Variants in TRAF7 observed in about 807,000 individuals in gnomAD.
The protein encoded by TRAF7 is E3 ubiquitin-protein ligase TRAF7.
Under a neutral mutation model 89.3 loss-of-function variants are expected in TRAF7, and 45 were observed. The observed-to-expected ratio is 0.50, with a 90% CI of 0.40 to 0.65. The LOEUF is 0.65. TRAF7 is among the 30% of genes least tolerant of loss of function. The probability of loss-of-function intolerance (pLI) is 0.00; values close to 1 mark genes in which losing one functional copy is unlikely to be tolerated. For missense variants in TRAF7, 677 were observed against 918.1 expected (o/e 0.74, Z 3.39); for synonymous variants, 406 against 369.2 (o/e 1.10, Z -1.14).
intron 12 of TRAF7, 23 bp downstream of exon 12, chr16:2,173,859 T>TCCCCCC: frequency 8.0e-7 from 1 of 1,246,254 alleles, no homozygotes; most frequent in Non-Finnish European, 1.1e-6. Flanking sequence ...CCGCCGTGGC[T>TCCCCCC]CCCGCCCACC....
chr16:2,174,110 GCACTGC>G (rs1274303271), intron 13 of TRAF7, 62 bp downstream of exon 13: 55 of 1,605,964 alleles, frequency 3.4e-5, no homozygotes, highest in Admixed American at 2.8e-4. Flanking sequence ...CACATGCCTG[GCACTGC>G]CAGCCTGCCT....
In TRAF7 at chr16:2,163,650, C is replaced by A. The variant is rs2141270304; in HGVS notation, c.-38-233C>A. ...TCTTCGGGAGCTCAGAAAGGCTAAG[C>A]CTTGAGGGACGGTGACGCAGAGCCG... is the stretch of plus-strand genomic sequence containing the variant. On this transcript the variant is annotated intron_variant, in intron 1 of 20. Coordinates refer to ENST00000326181, the MANE Select transcript of TRAF7 (RefSeq NM_032271.3). This position sits in a 1 kb window ranked among gnomAD's most constrained non-coding sequence, Gnocchi z 4.3. 1.9e-6 allele frequency: 1 copy of A among 516,640 alleles called. No homozygotes were observed. The allele number at this position is 516,640 out of a possible 1,614,324, so 32.0% of individuals were successfully genotyped here.
intron 2 of TRAF7, 138 bp downstream of exon 2, chr16:2,164,139 G>GTGTGTGTGTGTGTGTGT (rs1555465685): frequency 1.7e-5 from 9 of 544,380 alleles, no homozygotes; most frequent in Non-Finnish European, 3.1e-6. Flanking sequence ...GGGGGGGTGT[G>GTGTGTGTGTGTGTGTGT]GTGTGTGTGT....
Position 2,173,368 on chromosome 16 carries a change from C to A in TRAF7, c.981C>A (p.Asp327Glu), listed in dbSNP as rs1456334083. 6.2e-7 allele frequency: 1 copy of A among 1,613,558 alleles called. No individual in the cohort carries two copies. The highest frequency in any genetic ancestry group is 2.2e-5 in the East Asian group (1 of 44,874). The change falls in exon 10 of 21, where the codon GAC (aspartate) becomes GAA (glutamate). Residue 327 changes from aspartate to glutamate, a missense_variant. Physicochemically the swap from Asp to Glu is conservative, Grantham distance 45. Around this residue, in one of 6 missense-constraint regions of TRAF7, gnomAD observed 238 missense variants for 352.6 expected, o/e 0.67. Coordinates refer to ENST00000326181, the MANE Select transcript of TRAF7 (RefSeq NM_032271.3). ...SMLGKLSEKI[D>E]QLEKSLELKF... ...TGGGAAAGCTCTCGGAGAAGATCGACCAGCTAGAGAAGAGCCTGGAGCTCA... is the reference window on the plus strand; with the variant it reads ...TGGGAAAGCTCTCGGAGAAGATCGAACAGCTAGAGAAGAGCCTGGAGCTCA...
chr16:2,171,344 C>T lies in TRAF7; in HGVS notation c.429C>T (p.Ile143=), dbSNP rs1276410059. The T allele has an allele frequency of 3.2e-6, 5 of 1,553,486 alleles. No homozygotes were observed. The East Asian group carries it at 1.2e-4, about 38-fold the overall frequency. ...GCAGCGTCTTCAAAGACCCCGTGATCACCACGTGTGGGGTGAGCCCGCCGC... is the reference window on the plus strand; with the variant it reads ...GCAGCGTCTTCAAAGACCCCGTGATTACCACGTGTGGGGTGAGCCCGCCGC... ...LCCSVFKDPV[I]TTCGHTFCRR... is the part of the protein sequence containing the mutation. Residue 143 remains isoleucine (I), a synonymous_variant, in exon 6 of 21, where the codon ATC becomes ATT. Transcript: ENST00000326181.
chr16:2,164,373 T>G (rs35812), intron 2 of TRAF7, among the ~76,000 whole-genome samples: 96 of 116,472 alleles, frequency 8.2e-4, no homozygotes, highest in Non-Finnish European at 7.1e-4. Context: ...TTAAGCGTGT[T>G]AGTGCTGCGT....
chr16:2,159,663 C>T lies in TRAF7; in HGVS notation c.-39+3805C>T, dbSNP rs956314820. Among the ~76,000 whole-genome samples the T allele has an allele frequency of 2.0e-5, 3 of 152,212 alleles. No homozygotes were observed. Among genetic ancestry groups the T allele is most frequent in the Admixed American group, 6.5e-5 (1 of 15,288 alleles). ...CGCAGTCCAGCCAGCCGGCCACACACAGCCCTGTGGCAGGCGGGGCGGAGG... is the reference window on the plus strand; with the variant it reads ...CGCAGTCCAGCCAGCCGGCCACACATAGCCCTGTGGCAGGCGGGGCGGAGG... On this transcript the variant is annotated intron_variant, in intron 1 of 20. Transcript: ENST00000326181. The surrounding 1 kb of genome is among the most constrained non-coding windows in gnomAD (Gnocchi z 6.5).
chr16:2,164,175 C>CGT (rs2093070725), intron 2 of TRAF7, among the ~76,000 whole-genome samples, 174 bp downstream of exon 2: 1 of 119,592 alleles, frequency 8.4e-6, no homozygotes. Flanking sequence ...CGCGCGCGCG[C>CGT]GCGCGCACGC....
intron 20 of TRAF7, 75 bp downstream of exon 20, chr16:2,176,459 C>T (rs1437526924): frequency 6.2e-7 from 1 of 1,612,692 alleles, no homozygotes; most frequent in Non-Finnish European, 8.5e-7. Flanking sequence ...GAGCTGGCAG[C>T]CCCAGCACAA....
rs1374268647 is a variant in TRAF7, at chr16:2,159,941, G to T, written c.-38-3942G>T. 6.6e-6 allele frequency among the ~76,000 whole-genome samples: 1 copy of T among 152,246 alleles called. No homozygotes were observed. The highest frequency in any genetic ancestry group is 1.5e-5 in the Non-Finnish European group (1 of 68,030). Reference sequence around the variant, plus strand: ...GACCCCTGACCCAGACCCCCTCCAGGTGTGTCTCCAGGGAAAGGGGTGGGT... The same window carrying T: ...GACCCCTGACCCAGACCCCCTCCAGTTGTGTCTCCAGGGAAAGGGGTGGGT... On this transcript the variant is annotated intron_variant, in intron 1 of 20. Coordinates refer to ENST00000326181, the MANE Select transcript of TRAF7 (RefSeq NM_032271.3). The surrounding 1 kb of genome is among the most constrained non-coding windows in gnomAD (Gnocchi z 6.5).
rs759768582 is a variant in TRAF7 at position 2,170,666 on chromosome 16, TG to T, written c.285del (p.His96ThrfsTer32). On this transcript the variant is annotated frameshift_variant, in exon 5 of 21. Coordinates refer to ENST00000326181, the MANE Select transcript of TRAF7 (RefSeq NM_032271.3). LOFTEE classifies it high-confidence loss of function. ...RSDSAISVRSLHSESSMSLRS... is the reference protein window; with the variant it reads ...RSDSAISVRSXHSESSMSLRS... ...GACTCCGCCATCTCTGTCCGCTCCC[TG>T]CACTCAGAGTCCAGCATGTCTCTGC... is the stretch of plus-strand genomic sequence containing the variant. The T allele has an allele frequency of 6.2e-7, 1 of 1,610,226 alleles. No homozygotes were observed. Among genetic ancestry groups the T allele is most frequent in the Non-Finnish European group, 8.5e-7 (1 of 1,178,696 alleles).
chr16:2,164,173 C>CAT (rs2093070556), intron 2 of TRAF7, among the ~76,000 whole-genome samples, 172 bp downstream of exon 2: 1 of 121,458 alleles, frequency 8.2e-6, no homozygotes, highest in Non-Finnish European at 1.7e-5. Flanking sequence ...CGCGCGCGCG[C>CAT]GCGCGCGCAC....
In TRAF7 at chr16:2,176,342, C is replaced by T; in HGVS notation, c.1956C>T (p.Ser652=). ...GCAGTGTCACCGCGCTGGCTGTGTC[C>T]CGGGGCCGACTCTTCTCAGGGGCTG... ...HQGSVTALAV[S]RGRLFSGAVD... The change falls in exon 20 of 21, where the codon TCC becomes TCT. Residue 652 remains serine, a synonymous_variant. Coordinates refer to ENST00000326181, the MANE Select transcript of TRAF7 (RefSeq NM_032271.3). 1 of 1,604,498 alleles carries T rather than the reference C, an allele frequency of 6.2e-7. No homozygotes were observed. The highest frequency in any genetic ancestry group is 8.5e-7 in the Non-Finnish European group (1 of 1,177,912).
At chr16:2,171,041 G>T (rs1567250946) in intron 5 of TRAF7, among the ~76,000 whole-genome samples, 1 of 152,208 alleles carries the variant, frequency 6.6e-6, no homozygotes, top group African/African-American at 2.4e-5. Flanking sequence ...AGGCTGGGCG[G>T]CTGAACTCAT....
rs367720236 is a variant in TRAF7, at chr16:2,174,030, C to T, written c.1245C>T (p.Ser415=). The T allele has an allele frequency of 2.5e-6, 4 of 1,613,366 alleles. No individual in the cohort carries two copies. The African/African-American group carries it at 4.0e-5, about 16-fold the overall frequency. Residue 415 remains serine (S), a synonymous_variant, in exon 13 of 21, where the codon TCC becomes TCT. Transcript: ENST00000326181. ...YSMGDLLFSG[S]SDKTIKVWDT... ...TGGGTGACCTGCTCTTCAGTGGCTCCTCTGACAAGACCATCAAGGTGGGCA... is the reference window on the plus strand; with the variant it reads ...TGGGTGACCTGCTCTTCAGTGGCTCTTCTGACAAGACCATCAAGGTGGGCA...
chr16:2,171,347 C>T lies in TRAF7; in HGVS notation c.432C>T (p.Thr144=), dbSNP rs143361048. Residue 144 remains threonine (T), a synonymous_variant, in exon 6 of 21, where the codon ACC becomes ACT. Coordinates refer to ENST00000326181, the MANE Select transcript of TRAF7 (RefSeq NM_032271.3). ...CCSVFKDPVI[T]TCGHTFCRRC... is the part of the protein sequence containing the mutation. ...GCGTCTTCAAAGACCCCGTGATCAC[C>T]ACGTGTGGGGTGAGCCCGCCGCCCT... 5.8e-6 allele frequency: 9 copies of T among 1,553,064 alleles called. No individual in the cohort carries two copies. In the African/African-American group the frequency reaches 1.1e-4, roughly 19 times the overall value.
chr16:2,167,697 G>A (rs1175398487), intron 3 of TRAF7, among the ~76,000 whole-genome samples: 2 of 152,074 alleles, frequency 1.3e-5, no homozygotes, highest in African/African-American at 4.8e-5. Flanking sequence ...CCCAGCTGCT[G>A]CCAGGCGGCC....
At chr16:2,176,478 A>G in intron 20 of TRAF7, 82 bp from the exon 21 acceptor site, 1 of 1,613,014 alleles carries the variant, frequency 6.2e-7, no homozygotes, top group Non-Finnish European at 8.5e-7. Flanking sequence ...AAAGTGGTGG[A>G]GGGCAGGTAC....
At chr16:2,170,773 C>A in intron 5 of TRAF7, 43 bp downstream of exon 5, 1 of 1,529,230 alleles carries the variant, frequency 6.5e-7, no homozygotes, top group South Asian at 1.2e-5. Flanking sequence ...CCAGGGCTGT[C>A]ACCGCAGCCG....
Sources: gnomAD v4.1 joint callset for allele counts (sites outside exome capture counted in the v4.1 genomes callset) on GRCh38, gnomAD v4.1.1 for gene constraint, gnomAD v4.1.1 regional missense constraint, Gnocchi (gnomAD v3.1) non-coding constraint, MANE v1.5 for transcripts, NCBI Gene and HGNC (gene_info 2026-07-23, HGNC 2026-07-21) for gene names.